The following ZFAT variants were observed in gnomAD, a reference collection of about 807,000 sequenced individuals.
ZFAT encodes the protein zinc finger protein ZFAT.
A neutral mutation model predicts 117.7 loss-of-function variants in ZFAT; 64 were observed. The ratio of observed to expected loss-of-function variants is 0.54; its 90% CI spans 0.44 to 0.67. The LOEUF is 0.67. Among genes scored for constraint, ZFAT ranks in the 30% least tolerant of loss-of-function variants. ZFAT has a pLI of 0.00. For missense variants in ZFAT, 1,433 were observed against 1,584.5 expected (o/e 0.90, Z 1.62); for synonymous variants, 679 against 615.0 (o/e 1.10, Z -1.54).
rs1290509544 is a variant in ZFAT at position 134,602,192 on chromosome 8, T to C, written c.1527A>G (p.Gln509=). The C allele has an allele frequency of 5.0e-6, 8 of 1,613,416 alleles. No individual in the cohort carries two copies. Among genetic ancestry groups the C allele is most frequent in the Non-Finnish European group, 6.8e-6 (8 of 1,180,016 alleles). ...GCTGTAGCTGGTCCCCCAGAGCTTCTTGCTGGATGTCCCCACCAGGTTCCA... is the reference window on the plus strand; with the variant it reads ...GCTGTAGCTGGTCCCCCAGAGCTTCCTGCTGGATGTCCCCACCAGGTTCCA... ...CLLEPGGDIQ[Q]EALGDQLQLV... The change falls in exon 6 of 16, where the codon CAA becomes CAG. Residue 509 remains glutamine (Q), a synonymous_variant. Transcript: ENST00000377838.
chr8:134,509,983 G>C (rs1314116736), intron 14 of ZFAT: 12 of 549,560 alleles, frequency 2.2e-5, no homozygotes, highest in Middle Eastern at 5.6e-4. Context: ...ATGGGACATT[G>C]AGACGTTATT....
chr8:134,666,314 C>T (rs1445829564), intron 1 of ZFAT, among the ~76,000 whole-genome samples: 1 of 152,206 alleles, frequency 6.6e-6, no homozygotes, highest in African/African-American at 2.4e-5. Flanking sequence ...CACACCACAA[C>T]AGTGTCAGAT....
intron 1 of ZFAT, chr8:134,675,021 A>T (rs1298389564): frequency 6.6e-6 from 1 of 152,306 alleles, no homozygotes; most frequent in Non-Finnish European, 1.5e-5. Context: ...AAAAGGCTGA[A>T]AATTCCAAAA....
the ZFAT span, among the ~76,000 whole-genome samples, chr8:134,744,780 A>C: frequency 2.7e-5 from 3 of 110,824 alleles, no homozygotes; most frequent in African/African-American, 1.1e-4. Context: ...CCTAGGCTGG[A>C]GTGCAGTGGC....
chr8:134,639,455 G>A (rs1328425031), intron 2 of ZFAT, among the ~76,000 whole-genome samples: 1 of 152,138 alleles, frequency 6.6e-6, no homozygotes, highest in East Asian at 1.9e-4. Context: ...CTGGGGCATG[G>A]TGGGCAGGGG....
At chr8:134,696,414 C>G (rs1486674557) in intron 1 of ZFAT, 1 of 985,472 alleles carries the variant, frequency 1.0e-6, no homozygotes, top group East Asian at 1.1e-4. Flanking sequence ...AGTGGAAACT[C>G]GCATCGGGAG....
the ZFAT span, chr8:134,800,444 CATTA>C: frequency 2.2e-6 from 1 of 447,306 alleles, no homozygotes; most frequent in Non-Finnish European, 4.5e-6. Context: ...CCTTTAATTA[CATTA>C]ATTACATTAA....
the ZFAT span, among the ~76,000 whole-genome samples, chr8:134,789,176 G>C: frequency 6.6e-6 from 1 of 152,086 alleles, no homozygotes; most frequent in East Asian, 1.9e-4. Context: ...TAGCCTTTTA[G>C]TGCTTAAGAG....
At chr8:134,644,967 A>C (rs1830796682) in intron 2 of ZFAT, among the ~76,000 whole-genome samples, 1 of 152,148 alleles carries the variant, frequency 6.6e-6, no homozygotes, top group Non-Finnish European at 1.5e-5. Context: ...AAACACACCC[A>C]TACACATACA....
chr8:134,681,739 C>T (rs1231174820), intron 1 of ZFAT, among the ~76,000 whole-genome samples: 1 of 152,118 alleles, frequency 6.6e-6, no homozygotes, highest in Non-Finnish European at 1.5e-5. Flanking sequence ...AGTAGGGTGG[C>T]AAATTCTTTC....
chr8:134,664,282 T>C (rs1480382931), intron 1 of ZFAT, among the ~76,000 whole-genome samples: 1 of 151,912 alleles, frequency 6.6e-6, no homozygotes, highest in Non-Finnish European at 1.5e-5. Context: ...AGAACCCGGA[T>C]CTCCCTGACC....
At chr8:134,769,825 C>T in the ZFAT span, among the ~76,000 whole-genome samples, 4 of 152,364 alleles carry the variant, frequency 2.6e-5, no homozygotes, top group African/African-American at 9.6e-5. Context: ...GGTTCCCAAA[C>T]TTCAATTCTT....
At chr8:134,820,220 T>C in the ZFAT span, among the ~76,000 whole-genome samples, 38 of 152,308 alleles carry the variant, frequency 2.5e-4, no homozygotes, top group South Asian at 7.5e-3. Context: ...GTTGTGACAG[T>C]GAGTAGTGGA....
intron 15 of ZFAT, among the ~76,000 whole-genome samples, chr8:134,507,970 A>C (rs1291775414): frequency 6.6e-6 from 1 of 152,238 alleles, no homozygotes; most frequent in Non-Finnish European, 1.5e-5. Context: ...ACTGCAATCT[A>C]GTAAACACCA....
intron 15 of ZFAT, among the ~76,000 whole-genome samples, chr8:134,504,540 T>C (rs1007733766): frequency 2.6e-5 from 4 of 152,194 alleles, no homozygotes; most frequent in African/African-American, 9.7e-5. Context: ...CACTGATTGT[T>C]CTGCTAAATA....
chr8:134,504,677 T>C (rs1382729482), intron 15 of ZFAT, among the ~76,000 whole-genome samples: 1 of 152,198 alleles, frequency 6.6e-6, no homozygotes, highest in African/African-American at 2.4e-5. Flanking sequence ...CAAAGGACAT[T>C]ATGCCCTAGG....
At chr8:134,716,438 G>A (rs1036041845), upstream of ZFAT, among the ~76,000 whole-genome samples, 1 of 152,188 alleles carries the variant, frequency 6.6e-6, no homozygotes, top group African/African-American at 2.4e-5. Context: ...GCCATGGAGT[G>A]CCATCACATC....
chr8:134,803,732 A>G, the ZFAT span, among the ~76,000 whole-genome samples: 1 of 152,366 alleles, frequency 6.6e-6, no homozygotes, highest in South Asian at 2.1e-4. Context: ...ATAAGATAAT[A>G]TAAAATCATT....
intron 6 of ZFAT, among the ~76,000 whole-genome samples, 186 bp downstream of exon 6, chr8:134,601,291 C>T (rs1315243999): frequency 6.6e-6 from 1 of 152,172 alleles, no homozygotes; most frequent in Non-Finnish European, 1.5e-5. Flanking sequence ...TGCAGCCATC[C>T]CGGCCACCTC....
Sources: gnomAD v4.1 joint callset for allele counts (sites outside exome capture counted in the v4.1 genomes callset) on GRCh38, gnomAD v4.1.1 for gene constraint, MANE v1.5 for transcripts, NCBI Gene and HGNC (gene_info 2026-07-23, HGNC 2026-07-21) for gene names.